Variants in KIAA0825 observed in about 807,000 individuals in gnomAD.
The protein encoded by KIAA0825 is KIAA0825, also known as uncharacterized protein KIAA0825.
Under a neutral mutation model 147.6 loss-of-function variants are expected in KIAA0825, and 119 were observed. That is an observed-to-expected ratio of 0.81 (90% CI 0.69 to 0.94). The LOEUF (loss-of-function observed/expected upper bound fraction) is 0.94. Among genes scored for constraint, KIAA0825 ranks in the 40% least tolerant of loss-of-function variants. The pLI is 0.00. For synonymous variants in KIAA0825, 470 were observed against 518.1 expected, an observed-to-expected ratio of 0.91 and a Z score of 1.26; for missense variants, 1,381 against 1,472.7, an observed-to-expected ratio of 0.94 and a Z score of 1.02.
chr5:94,298,243 G>A (rs1054590286), intron 20 of KIAA0825, among the ~76,000 whole-genome samples: 6 of 151,260 alleles, frequency 4.0e-5, no homozygotes, highest in South Asian at 2.1e-4. Context: ...GCAAGACTCC[G>A]TCCCAAAAAA....
intron 20 of KIAA0825, among the ~76,000 whole-genome samples, chr5:94,162,360 C>T (rs1562289550): frequency 6.6e-6 from 1 of 151,854 alleles, no homozygotes; most frequent in Admixed American, 6.6e-5. Context: ...AGTGCAGTGG[C>T]ATGATCATAG....
intron 20 of KIAA0825, among the ~76,000 whole-genome samples, chr5:94,160,692 T>C (rs969639761): frequency 1.3e-5 from 2 of 149,964 alleles, no homozygotes; most frequent in African/African-American, 4.9e-5. Context: ...TACATGTATG[T>C]ATATTTAATA....
chr5:94,359,566 G>A (rs1744784105), intron 20 of KIAA0825, among the ~76,000 whole-genome samples: 1 of 151,906 alleles, frequency 6.6e-6, no homozygotes, highest in African/African-American at 2.4e-5. Flanking sequence ...AGACTAGCCT[G>A]GTCAACATAG....
At chr5:94,215,418 C>A (rs1773106159) in intron 20 of KIAA0825, among the ~76,000 whole-genome samples, 1 of 152,094 alleles carries the variant, frequency 6.6e-6, no homozygotes, top group African/African-American at 2.4e-5. Flanking sequence ...TTCAACAGAA[C>A]AAAGATTTGG....
chr5:94,195,090 C>T (rs115580972), intron 20 of KIAA0825, among the ~76,000 whole-genome samples: 94 of 152,220 alleles, frequency 6.2e-4, no homozygotes, highest in African/African-American at 2.2e-3. Flanking sequence ...AAATTCTTAC[C>T]CACTTCTGTC....
chr5:94,215,958 T>C (rs1473719966), intron 20 of KIAA0825, among the ~76,000 whole-genome samples: 2 of 152,162 alleles, frequency 1.3e-5, no homozygotes, highest in African/African-American at 2.4e-5. Context: ...GATGAACTCC[T>C]GGCACTTCAG....
At chr5:94,592,669 C>T in intron 1 of KIAA0825, 1 of 266,010 alleles carries the variant, frequency 3.8e-6, no homozygotes. Flanking sequence ...GTAATGGAAG[C>T]AAAATACACG....
At chr5:94,374,953 C>A (rs1747312728) in intron 20 of KIAA0825, among the ~76,000 whole-genome samples, 1 of 151,910 alleles carries the variant, frequency 6.6e-6, no homozygotes, top group Non-Finnish European at 1.5e-5. Flanking sequence ...CACCTTTCTA[C>A]CTTAAGAATA....
intron 3 of KIAA0825, among the ~76,000 whole-genome samples, chr5:94,524,413 A>C (rs1768864550): frequency 6.6e-6 from 1 of 151,710 alleles, no homozygotes; most frequent in Admixed American, 6.6e-5. Context: ...GCAGTGGATG[A>C]AAGGGAGAGA....
intron 7 of KIAA0825, among the ~76,000 whole-genome samples, chr5:94,474,675 A>C (rs1006311849): frequency 2.0e-5 from 3 of 152,146 alleles, no homozygotes; most frequent in Admixed American, 2.0e-4. Context: ...TGATTCCATG[A>C]CTCTATAATC....
intron 20 of KIAA0825, among the ~76,000 whole-genome samples, chr5:94,247,021 C>T (rs188045611): frequency 3.2e-4 from 48 of 152,270 alleles, no homozygotes; most frequent in African/African-American, 1.0e-3. Flanking sequence ...TTCATCTTCA[C>T]TTTTGCCATT....
intron 17 of KIAA0825, among the ~76,000 whole-genome samples, chr5:94,394,553 G>C (rs779416650): frequency 1.6e-4 from 25 of 152,110 alleles, no homozygotes; most frequent in Non-Finnish European, 3.7e-4. Flanking sequence ...AAAAAATTTA[G>C]CTTATAGATT....
chr5:94,276,490 AGT>A (rs1321288997), intron 20 of KIAA0825, among the ~76,000 whole-genome samples: 6 of 152,174 alleles, frequency 3.9e-5, no homozygotes, highest in Non-Finnish European at 5.9e-5. Context: ...TAGCAGAAAG[AGT>A]GTGGGATTTG....
At chr5:94,407,780 C>G (rs1022172259) in intron 15 of KIAA0825, among the ~76,000 whole-genome samples, 3 of 152,130 alleles carry the variant, frequency 2.0e-5, no homozygotes, top group African/African-American at 7.2e-5. Flanking sequence ...TGTGAATCTA[C>G]TAAAAACCAC....
intron 20 of KIAA0825, among the ~76,000 whole-genome samples, chr5:94,221,945 G>T (rs545833785): frequency 1.3e-5 from 2 of 151,906 alleles, no homozygotes; most frequent in Non-Finnish European, 2.9e-5. Context: ...TCTCACCCAC[G>T]CCTTTGCCCG....
chr5:94,577,409 A>G (rs1781265582), intron 2 of KIAA0825, among the ~76,000 whole-genome samples: 1 of 152,216 alleles, frequency 6.6e-6, no homozygotes, highest in Non-Finnish European at 1.5e-5. Flanking sequence ...GCTTATTTCA[A>G]TACCTGTCTT....
intron 20 of KIAA0825, among the ~76,000 whole-genome samples, chr5:94,235,063 C>G (rs1774967353): frequency 6.6e-6 from 1 of 151,910 alleles, no homozygotes; most frequent in Admixed American, 6.6e-5. Context: ...CATTAATAAC[C>G]TTACAATTGT....
intron 7 of KIAA0825, among the ~76,000 whole-genome samples, chr5:94,475,248 T>C (rs376624004): frequency 1.2e-3 from 184 of 152,272 alleles, no homozygotes; most frequent in African/African-American, 4.3e-3. Flanking sequence ...ACTACCTCCA[T>C]GAAAATTCAA....
intron 20 of KIAA0825, among the ~76,000 whole-genome samples, chr5:94,155,353 G>A (rs1766941535): frequency 6.6e-6 from 1 of 151,482 alleles, no homozygotes; most frequent in South Asian, 2.1e-4. Flanking sequence ...AAGTAGCTGG[G>A]GCTATAGGTG....
Sources: allele counts gnomAD v4.1 joint callset (sites outside exome capture counted in the v4.1 genomes callset), GRCh38; gene constraint gnomAD v4.1.1; transcripts MANE v1.5; gene names NCBI Gene and HGNC (gene_info 2026-07-23, HGNC 2026-07-21).